Variants in ABTB3 observed in about 807,000 individuals in gnomAD.
ABTB3 encodes the protein ankyrin repeat and BTB domain containing 3.
the ABTB3 span, among the ~76,000 whole-genome samples, chr12:107,353,903 TC>T: frequency 3.4e-4 from 51 of 152,092 alleles, no homozygotes; most frequent in African/African-American, 1.2e-3. Context: ...CCTCCCCTCG[TC>T]CATGGAAAAT....
chr12:107,432,149 T>C, the ABTB3 span, among the ~76,000 whole-genome samples: 4 of 152,192 alleles, frequency 2.6e-5, no homozygotes, highest in Non-Finnish European at 4.4e-5. Context: ...GAGGTTAATA[T>C]GGGTTTGGCA....
the ABTB3 span, chr12:107,642,102 C>A: frequency 6.2e-7 from 1 of 1,613,940 alleles, no homozygotes; most frequent in Non-Finnish European, 8.5e-7. Context: ...TCAAAGCACT[C>A]CTCTCCAGCA....
chr12:107,524,689 G>A, the ABTB3 span, among the ~76,000 whole-genome samples: 27 of 152,192 alleles, frequency 1.8e-4, no homozygotes, highest in Non-Finnish European at 2.9e-4. Flanking sequence ...AACCACACCT[G>A]TGAATTGAAT....
chr12:107,613,971 A>G, the ABTB3 span, among the ~76,000 whole-genome samples: 2 of 151,918 alleles, frequency 1.3e-5, no homozygotes, highest in Non-Finnish European at 2.9e-5. Flanking sequence ...ATCTGTGGGG[A>G]TTTTCCCTCC....
At chr12:107,438,126 C>A in the ABTB3 span, among the ~76,000 whole-genome samples, 4 of 152,150 alleles carry the variant, frequency 2.6e-5, no homozygotes, top group Non-Finnish European at 5.9e-5. Context: ...TAAGATGATA[C>A]AACCAGGCGC....
the ABTB3 span, among the ~76,000 whole-genome samples, chr12:107,426,889 C>A: frequency 6.6e-6 from 1 of 152,196 alleles, no homozygotes; most frequent in Non-Finnish European, 1.5e-5. Flanking sequence ...CTACTGCCTT[C>A]CCTTGAGTCA....
chr12:107,618,299 A>G, the ABTB3 span: 1 of 1,613,942 alleles, frequency 6.2e-7, no homozygotes, highest in Middle Eastern at 1.6e-4. Context: ...GCAAGGCCAA[A>G]CTGAGGGCCC....
chr12:107,634,305 T>C, the ABTB3 span, among the ~76,000 whole-genome samples: 1 of 152,360 alleles, frequency 6.6e-6, no homozygotes, highest in South Asian at 2.1e-4. Context: ...AAAGCAATGC[T>C]TGTTTCTTGT....
At chr12:107,656,366 G>A in the ABTB3 span, among the ~76,000 whole-genome samples, 6 of 152,140 alleles carry the variant, frequency 3.9e-5, no homozygotes, top group East Asian at 5.8e-4. Context: ...AGGTTCAGCA[G>A]ACATGTTCTG....
At chr12:107,536,783 T>C in the ABTB3 span, among the ~76,000 whole-genome samples, 14 of 152,306 alleles carry the variant, frequency 9.2e-5, no homozygotes, top group Admixed American at 7.2e-4. Flanking sequence ...TTAGTGGGAA[T>C]GTAAATTAGT....
chr12:107,529,825 C>A, the ABTB3 span, among the ~76,000 whole-genome samples: 1 of 152,150 alleles, frequency 6.6e-6, no homozygotes, highest in African/African-American at 2.4e-5. Context: ...ACACTGCCTC[C>A]CCTTCCCGGA....
the ABTB3 span, among the ~76,000 whole-genome samples, chr12:107,390,601 C>A: frequency 3.4e-4 from 52 of 152,256 alleles, no homozygotes; most frequent in East Asian, 8.9e-3. Flanking sequence ...AACTTGACTG[C>A]AGGGATAAGA....
chr12:107,556,824 A>G, the ABTB3 span, among the ~76,000 whole-genome samples: 2 of 152,080 alleles, frequency 1.3e-5, no homozygotes, highest in African/African-American at 4.8e-5. Context: ...CAGTCTGACC[A>G]AGATGGCAAA....
At chr12:107,453,539 C>T in the ABTB3 span, among the ~76,000 whole-genome samples, 1 of 152,182 alleles carries the variant, frequency 6.6e-6, no homozygotes, top group Admixed American at 6.5e-5. Context: ...TCTGCTGGTG[C>T]CTTGGTTTTG....
chr12:107,545,365 C>G, the ABTB3 span, among the ~76,000 whole-genome samples: 1 of 152,034 alleles, frequency 6.6e-6, no homozygotes, highest in South Asian at 2.1e-4. Context: ...CCTCAGCCCC[C>G]CTCAAGTAGC....
the ABTB3 span, among the ~76,000 whole-genome samples, chr12:107,398,063 C>T: frequency 6.6e-6 from 1 of 152,180 alleles, no homozygotes; most frequent in Non-Finnish European, 1.5e-5. Flanking sequence ...GAAGGCCCTT[C>T]ATTCCTCTGC....
the ABTB3 span, among the ~76,000 whole-genome samples, chr12:107,413,085 T>C: frequency 6.6e-6 from 1 of 151,892 alleles, no homozygotes; most frequent in East Asian, 1.9e-4. Context: ...CCATCCTGGC[T>C]AACACCGTGA....
the ABTB3 span, among the ~76,000 whole-genome samples, chr12:107,574,865 C>T: frequency 6.6e-6 from 1 of 152,174 alleles, no homozygotes; most frequent in Non-Finnish European, 1.5e-5. Context: ...TACCTTGGCT[C>T]CTCCCACTCC....
At chr12:107,582,367 A>G in the ABTB3 span, among the ~76,000 whole-genome samples, 2 of 152,222 alleles carry the variant, frequency 1.3e-5, no homozygotes, top group African/African-American at 4.8e-5. Context: ...GTTCAATACC[A>G]TGCTCAAAGT....
Sources: allele counts gnomAD v4.1 joint callset (sites outside exome capture counted in the v4.1 genomes callset), GRCh38; gene constraint gnomAD v4.1.1; transcripts MANE v1.5; gene names NCBI Gene and HGNC (gene_info 2026-07-23, HGNC 2026-07-21).